DGKB: variants seen among roughly 807,000 people sequenced by gnomAD.
DGKB encodes 90 kDa diacylglycerol kinase.
In DGKB, 67 loss-of-function variants were observed where a neutral mutation model predicts 114.3. That is an observed-to-expected ratio of 0.59 (90% confidence interval 0.48 to 0.72). The LOEUF (loss-of-function observed/expected upper bound fraction) is 0.72. DGKB is among the 30% of genes least tolerant of loss of function. DGKB has a pLI of 0.00. For missense variants in DGKB, 907 were observed against 975.2 expected, an observed-to-expected ratio of 0.93 and a Z score of 0.93; for synonymous variants, 398 against 323.1, an observed-to-expected ratio of 1.23 and a Z score of -2.49.
At chr7:14,900,602 C>T (rs1450413968) in intron 1 of DGKB, among the ~76,000 whole-genome samples, 1 of 152,114 alleles carries the variant, frequency 6.6e-6, no homozygotes, top group Non-Finnish European at 1.5e-5. Context: ...GAAAAAGCAT[C>T]AGTCATAGGA....
intron 13 of DGKB, among the ~76,000 whole-genome samples, chr7:14,644,887 A>G (rs1812608424): frequency 6.6e-6 from 1 of 152,200 alleles, no homozygotes; most frequent in African/African-American, 2.4e-5. Flanking sequence ...AAAAGGTCCT[A>G]TCGATGGCGA....
At chr7:14,497,740 C>CT (rs1230646877) in intron 20 of DGKB, among the ~76,000 whole-genome samples, 1 of 151,906 alleles carries the variant, frequency 6.6e-6, no homozygotes, top group Non-Finnish European at 1.5e-5. Flanking sequence ...AACTGACATT[C>CT]AGCAATGCTA....
chr7:14,293,134 AT>A (rs1261229614), intron 23 of DGKB, among the ~76,000 whole-genome samples: 1 of 152,220 alleles, frequency 6.6e-6, no homozygotes, highest in Non-Finnish European at 1.5e-5. Context: ...TATTTGTTAA[AT>A]ATGAACATGG....
chr7:14,308,591 T>C (rs960381086), intron 23 of DGKB, among the ~76,000 whole-genome samples: 12 of 152,146 alleles, frequency 7.9e-5, no homozygotes, highest in African/African-American at 2.9e-4. Flanking sequence ...GGATATGCAA[T>C]TAGTTACAAG....
intron 20 of DGKB, among the ~76,000 whole-genome samples, chr7:14,508,848 GT>G (rs1787532098): frequency 6.6e-6 from 1 of 152,030 alleles, no homozygotes; most frequent in Non-Finnish European, 1.5e-5. Flanking sequence ...TCATTCTGAC[GT>G]TTTACAGAAT....
intron 1 of DGKB, among the ~76,000 whole-genome samples, chr7:14,934,515 A>G (rs1318688348): frequency 6.6e-6 from 1 of 152,044 alleles, no homozygotes; most frequent in Admixed American, 6.6e-5. Context: ...GGGTTAAGCT[A>G]TTACTTTCTG....
intron 23 of DGKB, among the ~76,000 whole-genome samples, chr7:14,284,462 A>T (rs1800502472): frequency 6.9e-6 from 1 of 145,614 alleles, no homozygotes. Context: ...GTGATTCCTC[A>T]GGGATCTAGA....
chr7:14,239,071 T>C (rs946957059), intron 23 of DGKB, among the ~76,000 whole-genome samples: 4 of 152,024 alleles, frequency 2.6e-5, no homozygotes, highest in Non-Finnish European at 5.9e-5. Flanking sequence ...TTTCCTCTCA[T>C]TCATTTTGCA....
In DGKB at chr7:14,910,483, T is replaced by G. The variant is rs556489872; in HGVS notation, c.-188+64213A>C. On this transcript the variant is annotated intron_variant, in intron 1 of 4. Coordinates refer to the DGKB transcript ENST00000437998. ...ATGGAAACTTTTGGTTTTCTTTTTT[T>G]GGCTACCAAAATTGTTCATTTTAGT... 3.0e-3 allele frequency among the ~76,000 whole-genome samples: 459 copies of G among 152,292 alleles called. 3 individuals are homozygous for G. Among genetic ancestry groups the G allele is most frequent in the Non-Finnish European group, 3.3e-3 (227 of 68,018 alleles).
At chr7:14,657,271 C>T (rs980239022) in intron 13 of DGKB, among the ~76,000 whole-genome samples, 3 of 144,586 alleles carry the variant, frequency 2.1e-5, no homozygotes, top group Non-Finnish European at 3.1e-5. Flanking sequence ...TGTAATCCTA[C>T]ACATTTAAAA....
chr7:14,792,006 T>C lies in DGKB; in HGVS notation c.71-34275A>G, dbSNP rs375813608. On this transcript the variant is annotated intron_variant, in intron 2 of 25. Transcript: ENST00000402815. ...TGAATTGCTGAGTATTCCCTTCCCTTCTATTAATTGGTAGAGACTGTGTAG... is the reference window on the plus strand; with the variant it reads ...TGAATTGCTGAGTATTCCCTTCCCTCCTATTAATTGGTAGAGACTGTGTAG... Among the ~76,000 whole-genome samples, 5 of 152,142 alleles carry C rather than the reference T, an allele frequency of 3.3e-5. No individual in the cohort carries two copies. In the South Asian group the frequency reaches 1.0e-3, roughly 31 times the overall value.
At chr7:14,745,826 A>G (rs1833202106) in intron 4 of DGKB, among the ~76,000 whole-genome samples, 1 of 152,138 alleles carries the variant, frequency 6.6e-6, no homozygotes, top group Non-Finnish European at 1.5e-5. Flanking sequence ...TTTCCTGGTC[A>G]TGAGACAAGA....
intron 21 of DGKB, among the ~76,000 whole-genome samples, chr7:14,359,865 G>A (rs1815352431): frequency 6.6e-6 from 1 of 152,140 alleles, no homozygotes; most frequent in Non-Finnish European, 1.5e-5. Context: ...CACTGGTGGT[G>A]GGAGTGTAAA....
At chr7:14,449,949 G>T (rs1468030858) in intron 21 of DGKB, among the ~76,000 whole-genome samples, 1 of 151,956 alleles carries the variant, frequency 6.6e-6, no homozygotes, top group Non-Finnish European at 1.5e-5. Flanking sequence ...ATGATAGTGT[G>T]GAAAGTAAAC....
At chr7:14,955,015 G>A (rs994758033) in intron 1 of DGKB, among the ~76,000 whole-genome samples, 5 of 152,040 alleles carry the variant, frequency 3.3e-5, no homozygotes, top group African/African-American at 1.2e-4. Flanking sequence ...GTACAATAGA[G>A]GAGACAAGAG....
intron 21 of DGKB, among the ~76,000 whole-genome samples, chr7:14,467,876 C>T (rs1780703709): frequency 6.6e-6 from 1 of 151,894 alleles, no homozygotes; most frequent in Non-Finnish European, 1.5e-5. Context: ...GGTAAGATTA[C>T]CTATAATGAG....
intron 12 of DGKB, among the ~76,000 whole-genome samples, chr7:14,677,380 T>C (rs1234030617): frequency 6.6e-6 from 1 of 151,976 alleles, no homozygotes; most frequent in African/African-American, 2.4e-5. Flanking sequence ...GGTTCACCTG[T>C]TACACTGGCC....
At chr7:14,756,364 T>C (rs1834867791) in intron 3 of DGKB, among the ~76,000 whole-genome samples, 1 of 152,024 alleles carries the variant, frequency 6.6e-6, no homozygotes, top group South Asian at 2.1e-4. Flanking sequence ...CTAATTTTTT[T>C]TTCCTCCTCC....
intron 13 of DGKB, among the ~76,000 whole-genome samples, chr7:14,662,583 G>A (rs1010216962): frequency 2.0e-5 from 3 of 151,870 alleles, no homozygotes; most frequent in African/African-American, 7.3e-5. Context: ...AAAGATGCTA[G>A]ACAAAAACAG....
Sources: gnomAD v4.1 joint callset for allele counts (sites outside exome capture counted in the v4.1 genomes callset) on GRCh38, gnomAD v4.1.1 for gene constraint, MANE v1.5 for transcripts, NCBI Gene and HGNC (gene_info 2026-07-23, HGNC 2026-07-21) for gene names.